Variants in PRTG observed in about 807,000 individuals in gnomAD.
The protein encoded by PRTG is protogenin, also known as immunoglobulin superfamily, DCC subclass, member 5.
In PRTG, 67 loss-of-function variants were observed where a neutral mutation model predicts 122.5. The observed-to-expected ratio is 0.55, with a 90% CI of 0.45 to 0.67. PRTG has a LOEUF of 0.67. Among genes scored for constraint, PRTG ranks in the 30% least tolerant of loss-of-function variants. The pLI is 0.00. For synonymous variants in PRTG, 554 were observed against 501.1 expected (o/e 1.11, Z -1.41); for missense variants, 1,435 against 1,415.4 (o/e 1.01, Z -0.22).
intron 15 of PRTG, among the ~76,000 whole-genome samples, chr15:55,632,624 C>A (rs1262521109): frequency 6.6e-6 from 1 of 152,182 alleles, no homozygotes; most frequent in African/African-American, 2.4e-5. Flanking sequence ...CTCTAACATG[C>A]CAATGCACAC....
chr15:55,702,249 A>G (rs1161833250), intron 2 of PRTG, among the ~76,000 whole-genome samples: 2 of 152,214 alleles, frequency 1.3e-5, no homozygotes, highest in Middle Eastern at 3.2e-3. Flanking sequence ...CACCTCTTCT[A>G]TAAAGTTAGT....
chr15:55,722,642 G>C (rs2030870526), intron 2 of PRTG, among the ~76,000 whole-genome samples: 1 of 152,216 alleles, frequency 6.6e-6, no homozygotes, highest in African/African-American at 2.4e-5. Context: ...TTCCAGAGTA[G>C]GAAGAGATTC....
chr15:55,742,924 G>A lies in PRTG; in HGVS notation c.8C>T (p.Pro3Leu), dbSNP rs540432954. 1.3e-6 allele frequency: 2 copies of A among 1,523,612 alleles called. No individual in the cohort carries two copies. The highest frequency in any genetic ancestry group is 2.0e-5 in the Admixed American group (1 of 49,298). The allele number at this position is 1,523,612 out of a possible 1,614,324, so 94.4% of individuals were successfully genotyped here. ...CAGCCGGGCGAGGGGTCGCAGAGGA[G>A]GCGCCATTCAGCGTAGCCGCGCGGG... is the stretch of plus-strand genomic sequence containing the variant. MAPPLRPLARLRP... is the reference protein window; with the variant it reads MALPLRPLARLRP... Residue 3 changes from proline to leucine, a missense_variant, in exon 1 of 20, where the codon CCT (proline) becomes CTT (leucine). Pro to Leu is a moderately conservative substitution (Grantham distance 98). Transcript: ENST00000389286.
intron 19 of PRTG, 62 bp from the exon 20 acceptor site, chr15:55,620,328 CT>C: frequency 6.3e-7 from 1 of 1,580,040 alleles, no homozygotes; most frequent in Non-Finnish European, 8.6e-7. Flanking sequence ...CGAGCAAAAG[CT>C]CATCAGGTCC....
chr15:55,691,656 G>A (rs1398750420), intron 2 of PRTG, among the ~76,000 whole-genome samples: 1 of 151,342 alleles, frequency 6.6e-6, no homozygotes, highest in Non-Finnish European at 1.5e-5. Flanking sequence ...ATTCCAGCCT[G>A]GGCAACAGAG....
At chr15:55,680,462 CTTTT>C (rs35467969) in intron 5 of PRTG, 25 bp downstream of exon 5, 6 of 1,234,548 alleles carry the variant, frequency 4.9e-6, no homozygotes, top group South Asian at 3.2e-5. Context: ...AAGGAAAAGA[CTTTT>C]TTTTTTTTTC....
At chr15:55,698,271 C>G (rs1468888895) in intron 2 of PRTG, among the ~76,000 whole-genome samples, 1 of 152,142 alleles carries the variant, frequency 6.6e-6, no homozygotes, top group Non-Finnish European at 1.5e-5. Flanking sequence ...TCTTCTGTCA[C>G]TTTAGTTTTC....
At chr15:55,658,254 C>A (rs1006359104) in intron 11 of PRTG, among the ~76,000 whole-genome samples, 1 of 152,130 alleles carries the variant, frequency 6.6e-6, no homozygotes, top group African/African-American at 2.4e-5. Context: ...TTATAAGTGA[C>A]CCTGTATATT....
rs1253940583 is a variant in PRTG, at chr15:55,638,675, A to T, written c.2326T>A (p.Ser776Thr). Reference sequence around the variant, plus strand: ...CCTTGAACCAACATGTGAGTTTCTGATCTATAATAACGAGTGATGAAGTTG... The same window carrying T: ...CCTTGAACCAACATGTGAGTTTCTGTTCTATAATAACGAGTGATGAAGTTG... The part of the protein sequence containing the change: ...NASLVLYLQT[S>T]ETHMLVQGLE... Residue 776 changes from serine (S) to threonine (T), a missense_variant and splice_region_variant, in exon 14 of 20, where the codon TCA becomes ACA. Coordinates refer to ENST00000389286, the MANE Select transcript of PRTG (RefSeq NM_173814.6). 1 of 1,611,708 alleles carries T rather than the reference A, an allele frequency of 6.2e-7. No individual in the cohort carries two copies. Among genetic ancestry groups the T allele is most frequent in the East Asian group, 2.2e-5 (1 of 44,800 alleles).
chr15:55,647,310 G>A (rs1054113429), intron 11 of PRTG, among the ~76,000 whole-genome samples: 4 of 152,150 alleles, frequency 2.6e-5, no homozygotes, highest in African/African-American at 7.2e-5. Context: ...AGAGCCAGAA[G>A]TCTGGCTGGC....
chr15:55,637,358 A>C lies in PRTG; in HGVS notation c.2453-18T>G. On this transcript the variant is annotated intron_variant, in intron 14 of 19. Transcript: ENST00000389286. ...TGCTGGTGCTGTGCAGACACAACAA[A>C]ACATTGTATTAATATAGTAAAATGG... 1 of 1,595,170 alleles carries C rather than the reference A, an allele frequency of 6.3e-7. No individual in the cohort carries two copies. Among genetic ancestry groups the C allele is most frequent in the South Asian group, 1.1e-5 (1 of 87,748 alleles).
chr15:55,654,571 A>G (rs1364519108), intron 11 of PRTG, among the ~76,000 whole-genome samples: 10 of 152,224 alleles, frequency 6.6e-5, no homozygotes, highest in Admixed American at 6.5e-4. Context: ...TCTATCAAAA[A>G]CAATTGTTAC....
intron 2 of PRTG, among the ~76,000 whole-genome samples, chr15:55,713,137 TTTATAA>T (rs68050657): frequency 0.59 from 89,338 of 151,146 alleles, 27,407 homozygotes; most frequent in Non-Finnish European, 0.69. Flanking sequence ...CAACTTGGTG[TTTATAA>T]TTATAAGAAC....
At chr15:55,696,653 C>A (rs891800451) in intron 2 of PRTG, among the ~76,000 whole-genome samples, 2 of 152,146 alleles carry the variant, frequency 1.3e-5, no homozygotes, top group Non-Finnish European at 2.9e-5. Context: ...AGGAAAAAAT[C>A]ATCTGCTTAA....
At chr15:55,622,280 C>T (rs1425992958) in intron 18 of PRTG, among the ~76,000 whole-genome samples, 10 of 146,126 alleles carry the variant, frequency 6.8e-5, no homozygotes, top group Non-Finnish European at 1.5e-4. Context: ...GAATATGGCG[C>T]GATCTCGGCT....
chr15:55,730,402 G>A (rs1461546861), intron 2 of PRTG, among the ~76,000 whole-genome samples: 3 of 151,804 alleles, frequency 2.0e-5, no homozygotes, highest in South Asian at 2.1e-4. Context: ...GCACCTGGCC[G>A]TTACCATTCT....
At chr15:55,679,237 T>G in intron 7 of PRTG, 49 bp downstream of exon 7, 1 of 1,252,570 alleles carries the variant, frequency 8.0e-7, no homozygotes, top group Non-Finnish European at 1.1e-6. Context: ...TAAAAATTAC[T>G]AAAGCCATTA....
At chr15:55,642,545 C>A (rs907106153) in intron 11 of PRTG, among the ~76,000 whole-genome samples, 1 of 147,560 alleles carries the variant, frequency 6.8e-6, no homozygotes, top group Non-Finnish European at 1.5e-5. Context: ...TTGCAGTGAG[C>A]CAATATTGTA....
At chr15:55,721,690 G>A (rs1178638810) in intron 2 of PRTG, among the ~76,000 whole-genome samples, 4 of 152,186 alleles carry the variant, frequency 2.6e-5, no homozygotes, top group Admixed American at 6.5e-5. Context: ...TAATTTGTAA[G>A]AGAAAGAGGT....
Sources: gnomAD v4.1 joint callset for allele counts (sites outside exome capture counted in the v4.1 genomes callset) on GRCh38, gnomAD v4.1.1 for gene constraint, MANE v1.5 for transcripts, NCBI Gene and HGNC (gene_info 2026-07-23, HGNC 2026-07-21) for gene names.